ZFP1: variants seen among roughly 807,000 people sequenced by gnomAD.
ZFP1 encodes the protein zinc finger protein 1 homolog.
ZFP1 carries 32 observed loss-of-function variants against 38.5 expected under a neutral mutation model. The ratio of observed to expected loss-of-function variants is 0.83; its 90% CI spans 0.63 to 1.12. The LOEUF (loss-of-function observed/expected upper bound fraction) is 1.12. Ranked by LOEUF, ZFP1 falls within the 50% of genes most tolerant of loss-of-function variation. The probability of loss-of-function intolerance (pLI) is 0.00; values close to 1 mark genes in which losing one functional copy is unlikely to be tolerated. For synonymous variants in ZFP1, 245 were observed against 168.8 expected (o/e 1.45, Z -3.50); for missense variants, 616 against 480.8 (o/e 1.28, Z -2.63).
chr16:75,145,538 C>G (rs997960127), upstream of ZFP1, among the ~76,000 whole-genome samples: 3 of 152,062 alleles, frequency 2.0e-5, no homozygotes, highest in African/African-American at 4.8e-5. Flanking sequence ...TATCCTGTGC[C>G]CATAAGAACC....
At chr16:75,133,721 T>C in the ZFP1 span, among the ~76,000 whole-genome samples, 1 of 152,216 alleles carries the variant, frequency 6.6e-6, no homozygotes. Context: ...ACTTCACAGA[T>C]GATGTTGTGT....
chr16:75,153,688 A>C (rs1042014604), intron 2 of ZFP1, among the ~76,000 whole-genome samples: 2 of 152,138 alleles, frequency 1.3e-5, no homozygotes, highest in Non-Finnish European at 2.9e-5. Flanking sequence ...ACAGTTGATG[A>C]GCCAATATTG....
At chr16:75,128,792 T>C in the ZFP1 span, among the ~76,000 whole-genome samples, 1 of 152,180 alleles carries the variant, frequency 6.6e-6, no homozygotes, top group Admixed American at 6.5e-5. Flanking sequence ...TTTTTTGTTG[T>C]TTGTTTATTT....
intron 3 of ZFP1, among the ~76,000 whole-genome samples, chr16:75,167,968 C>T (rs905461151): frequency 1.3e-5 from 2 of 152,290 alleles, no homozygotes; most frequent in South Asian, 4.2e-4. Flanking sequence ...TGGCATGTGC[C>T]TGTAATCCCA....
chr16:75,121,354 T>C, the ZFP1 span, among the ~76,000 whole-genome samples: 4 of 152,060 alleles, frequency 2.6e-5, no homozygotes, highest in East Asian at 7.7e-4. Flanking sequence ...TTCGATCTCC[T>C]GACCTTGTGA....
chr16:75,148,151 T>C (rs1027132089), upstream of ZFP1, among the ~76,000 whole-genome samples: 2 of 152,250 alleles, frequency 1.3e-5, no homozygotes, highest in African/African-American at 2.4e-5. Context: ...CTTAATGTTA[T>C]ACGCAGTTAA....
intron 1 of ZFP1, among the ~76,000 whole-genome samples, chr16:75,150,671 C>T (rs528692280): frequency 1.3e-5 from 2 of 151,980 alleles, no homozygotes; most frequent in African/African-American, 2.4e-5. Flanking sequence ...TCAAGTGATC[C>T]GCTGACCTTG....
At chr16:75,131,252 G>A in the ZFP1 span, among the ~76,000 whole-genome samples, 1 of 152,158 alleles carries the variant, frequency 6.6e-6, no homozygotes, top group African/African-American at 2.4e-5. Context: ...AGGGCTTTCA[G>A]GATGGGATGG....
chr16:75,119,345 C>A, the ZFP1 span, among the ~76,000 whole-genome samples: 3,274 of 152,178 alleles, frequency 0.022, 144 homozygotes, highest in African/African-American at 0.075. Context: ...CCAGAGAATA[C>A]CTTATCTTTC....
In ZFP1 at chr16:75,170,444, TCTCAA is replaced by T; in HGVS notation, c.*116_*120del. On this transcript the variant is annotated 3_prime_UTR_variant, in exon 4 of 4. Coordinates refer to ENST00000570010, the MANE Select transcript of ZFP1 (RefSeq NM_153688.4). ...TGGGAATTCATACTGAGATGCAATC[TCTCAA>T]CTCAAAAATGTATTAAAAATAGGAT... is the stretch of plus-strand genomic sequence containing the variant. 4.3e-6 allele frequency: 6 copies of T among 1,385,436 alleles called. No individual in the cohort carries two copies. The highest frequency in any genetic ancestry group is 5.7e-6 in the Non-Finnish European group (6 of 1,058,702). The allele number at this position is 1,385,436 out of a possible 1,614,324, so 85.8% of individuals were successfully genotyped here. A position where few individuals can be genotyped will look rare whatever the true frequency, so the allele number is the denominator to read the frequency against.
chr16:75,129,396 A>G, the ZFP1 span, among the ~76,000 whole-genome samples: 1 of 152,204 alleles, frequency 6.6e-6, no homozygotes, highest in Non-Finnish European at 1.5e-5. Context: ...GAAGGAAAAT[A>G]TCTTGAGTCT....
In ZFP1 at chr16:75,169,921, A is replaced by C. The variant is rs749694804; in HGVS notation, c.811A>C (p.Ser271Arg). ...AHMEKKPYEC[S>R]ECGKTFAQKF... ...TATGGAGAAGAAGCCCTATGAGTGC[A>C]GTGAATGTGGAAAGACATTTGCCCA... Residue 271 changes from serine to arginine, a missense_variant, in exon 4 of 4, where the codon AGT becomes CGT. Physicochemically the swap from Ser to Arg is moderately radical, Grantham distance 110. Coordinates refer to ENST00000570010, the MANE Select transcript of ZFP1 (RefSeq NM_153688.4). 7.4e-6 allele frequency: 12 copies of C among 1,614,224 alleles called. No homozygotes were observed. Among genetic ancestry groups the C allele is most frequent in the Non-Finnish European group, 8.5e-6 (10 of 1,180,040 alleles).
At chr16:75,167,204 T>C (rs560248689) in intron 3 of ZFP1, among the ~76,000 whole-genome samples, 1 of 152,294 alleles carries the variant, frequency 6.6e-6, no homozygotes, top group African/African-American at 2.4e-5. Flanking sequence ...CTAAGGGAGA[T>C]AGGACGGGAG....
At chr16:75,149,987 G>T (rs975585168) in intron 1 of ZFP1, among the ~76,000 whole-genome samples, 1 of 151,488 alleles carries the variant, frequency 6.6e-6, no homozygotes, top group Non-Finnish European at 1.5e-5. Context: ...GTTTCACCAT[G>T]TTGGCCCGGC....
At chr16:75,153,932 T>C (rs547793009) in intron 2 of ZFP1, among the ~76,000 whole-genome samples, 2 of 152,350 alleles carry the variant, frequency 1.3e-5, no homozygotes, top group African/African-American at 4.8e-5. Flanking sequence ...TAGAATGTCA[T>C]ATAGTTGGAT....
the ZFP1 span, among the ~76,000 whole-genome samples, chr16:75,123,455 G>GTATGTATATATATATATA: frequency 6.9e-5 from 6 of 87,270 alleles, no homozygotes; most frequent in Admixed American, 1.4e-4. Context: ...GTGTGTATAT[G>GTATGTATATATATATATA]TATATATATA....
At chr16:75,160,960 A>G (rs2037742873) in intron 2 of ZFP1, among the ~76,000 whole-genome samples, 1 of 151,914 alleles carries the variant, frequency 6.6e-6, no homozygotes, top group Non-Finnish European at 1.5e-5. Context: ...TTGGGGATTA[A>G]GTTTCAACAT....
intron 2 of ZFP1, among the ~76,000 whole-genome samples, chr16:75,158,561 G>A (rs185951515): frequency 6.6e-6 from 1 of 150,542 alleles, no homozygotes; most frequent in Admixed American, 6.6e-5. Flanking sequence ...CCAAAGGGCT[G>A]GGATTATAGG....
the ZFP1 span, chr16:75,119,622 G>C: frequency 6.6e-6 from 1 of 152,158 alleles, no homozygotes; most frequent in Non-Finnish European, 1.5e-5. Flanking sequence ...CTAAAGTTAA[G>C]ATTACAACCA....
Sources: gnomAD v4.1 joint callset for allele counts (sites outside exome capture counted in the v4.1 genomes callset) on GRCh38, gnomAD v4.1.1 for gene constraint, MANE v1.5 for transcripts, NCBI Gene and HGNC (gene_info 2026-07-23, HGNC 2026-07-21) for gene names.